The following JARID2 variants were observed in gnomAD, a reference collection of about 807,000 sequenced individuals.
The protein encoded by JARID2 is jumonji and AT-rich interaction domain containing 2.
In JARID2, 21 loss-of-function variants were observed where a neutral mutation model predicts 125.6. The ratio of observed to expected loss-of-function variants is 0.17; its 90% CI spans 0.12 to 0.24. The LOEUF is 0.24. JARID2 is among the 10% of genes least tolerant of loss of function. The pLI is 1.00. For synonymous variants in JARID2, 736 were observed against 661.6 expected, an observed-to-expected ratio of 1.11 and a Z score of -1.73; for missense variants, 1,303 against 1,639.6, an observed-to-expected ratio of 0.79 and a Z score of 3.55.
At chr6:15,319,192 A>AAG (rs1266005852) in intron 1 of JARID2, among the ~76,000 whole-genome samples, 14 of 152,200 alleles carry the variant, frequency 9.2e-5, no homozygotes, top group Admixed American at 2.6e-4. Flanking sequence ...TAAGTTATCA[A>AAG]AGATTCATTA....
chr6:15,425,203 G>T (rs892489780), intron 3 of JARID2, among the ~76,000 whole-genome samples: 20 of 152,286 alleles, frequency 1.3e-4, no homozygotes, highest in East Asian at 1.9e-4. Flanking sequence ...TTTTGGAGTG[G>T]CCTGAGAATT....
chr6:15,413,001 TGTTTTTG>T (rs1561845226), intron 3 of JARID2, among the ~76,000 whole-genome samples: 73 of 81,498 alleles, frequency 9.0e-4, no homozygotes, highest in African/African-American at 3.9e-3. Flanking sequence ...GAAGAGCTTG[TGTTTTTG>T]TTTTTTTTTT....
At chr6:15,493,550 A>G (rs1049629143) in intron 6 of JARID2, among the ~76,000 whole-genome samples, 13 of 152,106 alleles carry the variant, frequency 8.5e-5, no homozygotes, top group African/African-American at 3.1e-4. Flanking sequence ...TTGCACCCCT[A>G]CAGGTTAAAA....
intron 12 of JARID2, chr6:15,509,191 T>C (rs1771156407): frequency 7.9e-7 from 1 of 1,263,928 alleles, no homozygotes. Flanking sequence ...CACCCATCCC[T>C]GATCGAGGCT....
intron 1 of JARID2, among the ~76,000 whole-genome samples, chr6:15,321,023 A>AT (rs1762337890): frequency 6.6e-6 from 1 of 152,052 alleles, no homozygotes; most frequent in Non-Finnish European, 1.5e-5. Flanking sequence ...CATATGAATG[A>AT]TTTCATTATT....
At chr6:15,416,072 C>T (rs1766187467) in intron 3 of JARID2, among the ~76,000 whole-genome samples, 1 of 151,684 alleles carries the variant, frequency 6.6e-6, no homozygotes, top group Non-Finnish European at 1.5e-5. Flanking sequence ...AGAGGCGCTC[C>T]CCACATCTCA....
At chr6:15,260,607 C>T (rs1759836677) in intron 1 of JARID2, among the ~76,000 whole-genome samples, 1 of 152,110 alleles carries the variant, frequency 6.6e-6, no homozygotes, top group South Asian at 2.1e-4. Flanking sequence ...GCAGAAACTC[C>T]TGGTACAAAT....
intron 1 of JARID2, among the ~76,000 whole-genome samples, chr6:15,266,918 C>T (rs919960133): frequency 1.3e-5 from 2 of 152,168 alleles, no homozygotes; most frequent in Admixed American, 6.5e-5. Context: ...ATCACCAGGC[C>T]GTGGTTTAAA....
intron 1 of JARID2, among the ~76,000 whole-genome samples, chr6:15,256,113 T>G (rs905271293): frequency 9.2e-5 from 14 of 152,234 alleles, no homozygotes; most frequent in African/African-American, 3.1e-4. Flanking sequence ...AACTGCATAC[T>G]GCTGCACAAA....
intron 1 of JARID2, among the ~76,000 whole-genome samples, chr6:15,275,164 T>C (rs1468916269): frequency 1.3e-5 from 2 of 152,190 alleles, no homozygotes; most frequent in East Asian, 3.9e-4. Context: ...GCAAAATGTT[T>C]CTGGGCTCAG....
chr6:15,496,370 G>A lies in JARID2; in HGVS notation c.1145G>A (p.Ser382Asn), dbSNP rs1455158699. The A allele has an allele frequency of 6.2e-7, 1 of 1,614,176 alleles. No homozygotes were observed. Among genetic ancestry groups the A allele is most frequent in the South Asian group, 1.1e-5 (1 of 91,082 alleles). The change falls in exon 7 of 18, where the codon AGC (serine) becomes AAC (asparagine). Residue 382 changes from serine to asparagine, a missense_variant. Around this residue, in one of 11 missense-constraint regions of JARID2, gnomAD observed 651 missense variants for 581.6 expected, o/e 1.12. Transcript: ENST00000341776. ...NHTISGKTES[S>N]NAKTRKQVLS... is the part of the protein sequence containing the mutation. ...ACAATCTCAGGGAAAACTGAAAGTA[G>A]CAATGCAAAAACCCGCAAACAGGTG...
intron 6 of JARID2, among the ~76,000 whole-genome samples, chr6:15,491,166 T>G (rs769577358): frequency 9.9e-5 from 15 of 152,232 alleles, no homozygotes; most frequent in Non-Finnish European, 7.3e-5. Flanking sequence ...TTTAAAAAAG[T>G]TAAAGGTTTT....
At chr6:15,337,390 A>G (rs913754988) in intron 1 of JARID2, among the ~76,000 whole-genome samples, 4 of 152,228 alleles carry the variant, frequency 2.6e-5, no homozygotes, top group Non-Finnish European at 5.9e-5. Flanking sequence ...ACAGGCACTC[A>G]TGGCTCAGGG....
Position 15,384,786 on chromosome 6 carries a change from C to T in JARID2, c.181+10534C>T, listed in dbSNP as rs1764722508. On this transcript the variant is annotated intron_variant, in intron 2 of 17. Transcript: ENST00000341776. ...TAGACACAGTGTTGCCCATGCTGGTCTCGAACTGCCGGGCTTAAGTGATCC... is the reference window on the plus strand; with the variant it reads ...TAGACACAGTGTTGCCCATGCTGGTTTCGAACTGCCGGGCTTAAGTGATCC... 2.0e-5 allele frequency among the ~76,000 whole-genome samples: 3 copies of T among 152,102 alleles called. No individual in the cohort carries two copies. In the South Asian group the frequency reaches 6.2e-4, roughly 32 times the overall value.
chr6:15,289,957 A>G (rs2127393357), intron 1 of JARID2, among the ~76,000 whole-genome samples: 1 of 152,344 alleles, frequency 6.6e-6, no homozygotes, highest in African/African-American at 2.4e-5. Context: ...TCATGGAAAG[A>G]AGGAGGGAGA....
intron 3 of JARID2, among the ~76,000 whole-genome samples, chr6:15,430,621 T>C (rs1766928643): frequency 6.6e-6 from 1 of 152,162 alleles, no homozygotes; most frequent in Non-Finnish European, 1.5e-5. Context: ...AAGCATTGGG[T>C]CGGGTGTAGT....
intron 3 of JARID2, among the ~76,000 whole-genome samples, chr6:15,427,815 AG>A (rs888275498): frequency 1.3e-5 from 2 of 152,008 alleles, no homozygotes; most frequent in African/African-American, 4.8e-5. Flanking sequence ...TGGTTTGTGA[AG>A]GAGGTGACAG....
At chr6:15,248,107 G>A (rs1759255859) in intron 1 of JARID2, 1 of 984,892 alleles carries the variant, frequency 1.0e-6, no homozygotes, top group Non-Finnish European at 1.2e-6. Flanking sequence ...GTGTCTCCGA[G>A]TCCGGGCGTC....
chr6:15,512,432 C>T (rs757549017), intron 14 of JARID2, 42 bp downstream of exon 14: 16 of 1,586,720 alleles, frequency 1.0e-5, no homozygotes, highest in Admixed American at 3.3e-5. Flanking sequence ...CCCCCGCATC[C>T]CTGTGAGTGC....
Sources: allele counts gnomAD v4.1 joint callset (sites outside exome capture counted in the v4.1 genomes callset), GRCh38; gene constraint gnomAD v4.1.1; regional missense constraint gnomAD v4.1.1; transcripts MANE v1.5; gene names NCBI Gene and HGNC (gene_info 2026-07-23, HGNC 2026-07-21).